The following MAPT variants were observed in gnomAD, a reference collection of about 807,000 sequenced individuals.
The protein encoded by MAPT is microtubule-associated protein tau.
In MAPT, 34 loss-of-function variants were observed where a neutral mutation model predicts 67.9. That is an observed-to-expected ratio of 0.50 (90% CI 0.38 to 0.67). The LOEUF is 0.67. MAPT is among the 30% of genes least tolerant of loss of function. The pLI is 0.00. For synonymous variants in MAPT, 456 were observed against 464.5 expected (o/e 0.98, Z 0.23); for missense variants, 881 against 1,115.2 (o/e 0.79, Z 2.99).
chr17:45,999,667 A>G (rs756381259), intron 9 of MAPT: 1 of 1,594,568 alleles, frequency 6.3e-7, no homozygotes, highest in South Asian at 1.1e-5. Flanking sequence ...CCAAGTGTAG[A>G]AAGGGGCAGA....
chr17:46,014,372 G>GAGCAGTTCCAGCCTCACC, intron 11 of MAPT, 48 bp downstream of exon 11: 1 of 1,351,578 alleles, frequency 7.4e-7, no homozygotes. Context: ...GCAGGGGGTG[G>GAGCAGTTCCAGCCTCACC]AGGAGTCCTG....
intron 1 of MAPT, among the ~76,000 whole-genome samples, chr17:45,945,418 AG>A: frequency 6.6e-6 from 1 of 152,200 alleles, no homozygotes; most frequent in Admixed American, 6.5e-5. Flanking sequence ...GGTAATGTTG[AG>A]TTGGTTTGTG....
intron 1 of MAPT, among the ~76,000 whole-genome samples, chr17:45,929,677 T>C (rs1237578691): frequency 5.9e-5 from 9 of 152,130 alleles, no homozygotes; most frequent in African/African-American, 2.2e-4. Context: ...AAAACAAAAC[T>C]TTTGTTGTTG....
rs896767690 is a variant in MAPT, at chr17:45,897,172, C to T, written c.-18+2486C>T. ...TCGTCTCTCCTCCCTCGCCCCCAGA[C>T]AGAGCTGGGCGCGGGGTTCCCCTTC... On this transcript the variant is annotated intron_variant, in intron 1 of 12. Coordinates refer to ENST00000262410, the MANE Select transcript of MAPT (RefSeq NM_001377265.1). The surrounding 1 kb of genome is among the most constrained non-coding windows in gnomAD (Gnocchi z 5.0). 12 of 152,228 alleles carry T rather than the reference C, an allele frequency of 7.9e-5. No homozygotes were observed. Among genetic ancestry groups the T allele is most frequent in the African/African-American group, 2.9e-4 (12 of 41,452 alleles). The allele number at this position is 152,228 out of a possible 1,614,324, so 9.4% of individuals were successfully genotyped here.
Position 45,982,034 on chromosome 17 carries a change from G to GAA in MAPT, c.287-830_287-829dup, listed in dbSNP as rs1042045383. On this transcript the variant is annotated intron_variant, in intron 4 of 12. Coordinates refer to ENST00000262410, the MANE Select transcript of MAPT (RefSeq NM_001377265.1). ...ACCCTGTCTCAAAAAAAAAAAAAAA[G>GAA]AAAGAAAGAAAGGAAAAAAAAAACT... 1.1e-4 allele frequency among the ~76,000 whole-genome samples: 15 copies of GAA among 137,574 alleles called. No homozygotes were observed. In the South Asian group the frequency reaches 1.7e-3, roughly 16 times the overall value. 90.3% of individuals were successfully genotyped at this position (137,574 alleles called of 152,430 possible).
At chr17:45,981,273 C>G (rs1039740123) in intron 4 of MAPT, among the ~76,000 whole-genome samples, 1 of 152,090 alleles carries the variant, frequency 6.6e-6, no homozygotes, top group Admixed American at 6.6e-5. Context: ...TAGGTTGTTG[C>G]ATTGGGACTA....
chr17:45,997,898 G>T (rs1381602659), intron 9 of MAPT, among the ~76,000 whole-genome samples: 6 of 152,148 alleles, frequency 3.9e-5, no homozygotes, highest in Non-Finnish European at 8.8e-5. Context: ...TGTTGGGGAG[G>T]GGGGTTAGGG....
At chr17:45,973,973 C>T in intron 3 of MAPT, 1 of 197,764 alleles carries the variant, frequency 5.1e-6, no homozygotes, top group East Asian at 1.3e-4. Flanking sequence ...CAAGGACTTG[C>T]CCAAAGCCTC....
chr17:45,959,211 A>G (rs970823112), intron 1 of MAPT, among the ~76,000 whole-genome samples: 2 of 152,214 alleles, frequency 1.3e-5, no homozygotes, highest in Non-Finnish European at 2.9e-5. Flanking sequence ...CCCTCCACGT[A>G]CAGCCTCCCC....
intron 5 of MAPT, 38 bp from the exon 6 acceptor site, chr17:45,987,002 T>C (rs748026449): frequency 6.3e-7 from 1 of 1,581,374 alleles, no homozygotes; most frequent in Non-Finnish European, 8.7e-7. Context: ...ACAGTGAAAA[T>C]GGAGTGTGAC....
chr17:46,020,950 G>A (rs1039630093), intron 12 of MAPT, among the ~76,000 whole-genome samples: 3 of 152,186 alleles, frequency 2.0e-5, no homozygotes, highest in Non-Finnish European at 4.4e-5. Flanking sequence ...CAGTTGGGTG[G>A]AAGTGGCAGC....
chr17:45,999,952 G>C (rs536708076), intron 9 of MAPT, among the ~76,000 whole-genome samples: 1 of 152,326 alleles, frequency 6.6e-6, no homozygotes, highest in South Asian at 2.1e-4. Context: ...CCATGCACAA[G>C]AGCCTTTAAA....
intron 2 of MAPT, chr17:45,969,330 G>A (rs1483678501): frequency 1.3e-5 from 2 of 152,512 alleles, no homozygotes; most frequent in East Asian, 3.9e-4. Flanking sequence ...AATTCTGATG[G>A]AAGCTTTACA....
At chr17:45,990,988 C>G (rs1353480781) in intron 7 of MAPT, among the ~76,000 whole-genome samples, 1 of 152,202 alleles carries the variant, frequency 6.6e-6, no homozygotes, top group African/African-American at 2.4e-5. Flanking sequence ...AATGAAAGAA[C>G]ACGACCTAGC....
chr17:45,946,004 A>T (rs1389093332), intron 1 of MAPT, among the ~76,000 whole-genome samples: 1 of 152,066 alleles, frequency 6.6e-6, no homozygotes. Context: ...ATAATTTTGT[A>T]TTTGACTTTT....
intron 1 of MAPT, among the ~76,000 whole-genome samples, chr17:45,916,723 G>A (rs558162280): frequency 2.6e-5 from 4 of 152,324 alleles, no homozygotes; most frequent in African/African-American, 7.2e-5. Flanking sequence ...CTGCAGAGAG[G>A]TGCCAGCATC....
intron 1 of MAPT, among the ~76,000 whole-genome samples, chr17:45,955,258 A>C (rs2069508090): frequency 6.6e-6 from 1 of 152,068 alleles, no homozygotes. Context: ...GCATAATACG[A>C]GCTTTTAATC....
Position 46,008,401 on chromosome 17 carries a change from C to T in MAPT, c.1999-1909C>T, listed in dbSNP as rs141556345. Among the ~76,000 whole-genome samples, 277 of 152,252 alleles carry T rather than the reference C, an allele frequency of 1.8e-3. 2 individuals carry two copies. Among genetic ancestry groups the T allele is most frequent in the African/African-American group, 6.2e-3 (259 of 41,542 alleles). On this transcript the variant is annotated intron_variant, in intron 9 of 12. Transcript: ENST00000262410. Reference sequence around the variant, plus strand: ...GTACCCAGCCTAGGATATGATATCACTTCTTAGAGCAAGATACAAAATTGC... The same window carrying T: ...GTACCCAGCCTAGGATATGATATCATTTCTTAGAGCAAGATACAAAATTGC...
At chr17:46,002,462 G>A (rs1033364785) in intron 9 of MAPT, among the ~76,000 whole-genome samples, 7 of 152,160 alleles carry the variant, frequency 4.6e-5, no homozygotes, top group Non-Finnish European at 4.4e-5. Context: ...GACTGCCAGC[G>A]GGGAGAAGGG....
Sources: gnomAD v4.1 joint callset for allele counts (sites outside exome capture counted in the v4.1 genomes callset) on GRCh38, gnomAD v4.1.1 for gene constraint, Gnocchi (gnomAD v3.1) non-coding constraint, MANE v1.5 for transcripts, NCBI Gene and HGNC (gene_info 2026-07-23, HGNC 2026-07-21) for gene names.